The following MCF2L variants were observed in gnomAD, a reference collection of about 807,000 sequenced individuals.
The protein encoded by MCF2L is MCF.2 cell line derived transforming sequence like.
A neutral mutation model predicts 153.4 loss-of-function variants in MCF2L; 97 were observed. The observed-to-expected ratio is 0.63, with a 90% CI of 0.54 to 0.75. MCF2L has a LOEUF of 0.75. Ranked by LOEUF, MCF2L falls within the 30% of genes least tolerant of loss-of-function variation. The pLI is 0.00. For synonymous variants in MCF2L, 659 were observed against 632.2 expected, an observed-to-expected ratio of 1.04 and a Z score of -0.64; for missense variants, 1,347 against 1,495.2, an observed-to-expected ratio of 0.90 and a Z score of 1.64.
At position 112,907,755 on chromosome 13, in the gene MCF2L, T is replaced by C. The variant is rs2140511933; in HGVS notation, c.169+5384T>C. Among the ~76,000 whole-genome samples, 1 of 152,248 alleles carries C rather than the reference T, an allele frequency of 6.6e-6. No homozygotes were observed. Among genetic ancestry groups the C allele is most frequent in the East Asian group, 1.9e-4 (1 of 5,190 alleles). On this transcript the variant is annotated intron_variant, in intron 2 of 29. Coordinates refer to the MCF2L transcript ENST00000375608. The surrounding 1 kb of genome is among the most constrained non-coding windows in gnomAD (Gnocchi z 5.1). ...GATTTTCTTGGGAGATTCATTGCTTTCTCCTTGCATGCCATTTAGTGTTGC... is the reference window on the plus strand; with the variant it reads ...GATTTTCTTGGGAGATTCATTGCTTCCTCCTTGCATGCCATTTAGTGTTGC...
chr13:112,993,309 C>T lies in MCF2L; in HGVS notation c.80-21454C>T, dbSNP rs2082968377. 6.6e-6 allele frequency among the ~76,000 whole-genome samples: 1 copy of T among 152,160 alleles called. No homozygotes were observed. Among genetic ancestry groups the T allele is most frequent in the Admixed American group, 6.5e-5 (1 of 15,286 alleles). On this transcript the variant is annotated intron_variant, in intron 1 of 29. Coordinates refer to ENST00000535094, the MANE Select transcript of MCF2L (RefSeq NM_001112732.3). This position sits in a 1 kb window ranked among gnomAD's most constrained non-coding sequence, Gnocchi z 4.6. ...CATGGTGGGTGTTCCTGGGCAGAGGCTTGGTGGGCAGTAGGGGCCGACCTG... is the reference window on the plus strand; with the variant it reads ...CATGGTGGGTGTTCCTGGGCAGAGGTTTGGTGGGCAGTAGGGGCCGACCTG...
intron 2 of MCF2L, chr13:112,917,323 G>T (rs2081304361): frequency 5.4e-6 from 2 of 372,806 alleles, no homozygotes; most frequent in African/African-American, 2.1e-5. Context: ...AGTTCCTTTG[G>T]CCAGAAACCC....
At chr13:113,059,588 A>G (rs1477090294) in intron 4 of MCF2L, among the ~76,000 whole-genome samples, 1 of 152,200 alleles carries the variant, frequency 6.6e-6, no homozygotes, top group Admixed American at 6.5e-5. Context: ...GTCGAGAGCA[A>G]CCATCACTGC....
chr13:113,081,326 G>A, intron 16 of MCF2L, 47 bp downstream of exon 16: 1 of 1,532,810 alleles, frequency 6.5e-7, no homozygotes, highest in Non-Finnish European at 8.8e-7. Flanking sequence ...GACTCCCCTG[G>A]GCCAGCTGGT....
chr13:113,038,758 G>A (rs767702118), intron 3 of MCF2L, among the ~76,000 whole-genome samples: 1 of 152,202 alleles, frequency 6.6e-6, no homozygotes, highest in East Asian at 1.9e-4. Flanking sequence ...CATTATTAAA[G>A]TGACAGTGAT....
chr13:112,923,358 G>A (rs888981920), intron 2 of MCF2L, among the ~76,000 whole-genome samples: 4 of 148,748 alleles, frequency 2.7e-5, no homozygotes, highest in Non-Finnish European at 4.4e-5. Context: ...CCGCCTCCTG[G>A]GTTGACGCCA....
At chr13:113,004,865 G>A (rs1044503784) in intron 1 of MCF2L, among the ~76,000 whole-genome samples, 1 of 152,246 alleles carries the variant, frequency 6.6e-6, no homozygotes, top group African/African-American at 2.4e-5. Flanking sequence ...ACAAGTTTGC[G>A]GAGGCATGGC....
At chr13:112,927,753 A>C (rs1206470670) in intron 2 of MCF2L, among the ~76,000 whole-genome samples, 1 of 152,206 alleles carries the variant, frequency 6.6e-6, no homozygotes, top group African/African-American at 2.4e-5. Context: ...TACCGGGGAC[A>C]GAGGCACATG....
At chr13:112,968,153 G>T (rs1391184703), upstream of MCF2L, among the ~76,000 whole-genome samples, 1 of 132,784 alleles carries the variant, frequency 7.5e-6, no homozygotes, top group Admixed American at 7.4e-5. Flanking sequence ...GGGGGGGGGG[G>T]TCTTGCTACA....
intron 2 of MCF2L, among the ~76,000 whole-genome samples, chr13:112,920,042 C>T (rs2081336835): frequency 6.6e-6 from 1 of 152,172 alleles, no homozygotes; most frequent in African/African-American, 2.4e-5. Flanking sequence ...TTTCCTTTAT[C>T]TCAAGCTGTG....
rs944405753 is a variant in MCF2L, at chr13:113,064,859, G to A, written c.607-77G>A. ...ATGGGTCTGTGTGGGAACGGTTTCCGCCGGTGTCTGCTTTCAGGGCAGCAG... is the reference window on the plus strand; with the variant it reads ...ATGGGTCTGTGTGGGAACGGTTTCCACCGGTGTCTGCTTTCAGGGCAGCAG... On this transcript the variant is annotated intron_variant, in intron 6 of 29. Transcript: ENST00000535094. The surrounding 1 kb of genome is among the most constrained non-coding windows in gnomAD (Gnocchi z 6.0). 3.5e-5 allele frequency: 53 copies of A among 1,522,940 alleles called. No homozygotes were observed. The African/African-American group carries it at 3.8e-4, about 11-fold the overall frequency. 94.3% of individuals were successfully genotyped at this position (1,522,940 alleles called of 1,614,324 possible). A position where few individuals can be genotyped will look rare whatever the true frequency, so the allele number is the denominator to read the frequency against.
rs992225330 is a variant in MCF2L, at chr13:112,960,516, C to T, written c.170-54247C>T. Among the ~76,000 whole-genome samples the T allele has an allele frequency of 6.6e-6, 1 of 152,048 alleles. No individual in the cohort carries two copies. Among genetic ancestry groups the T allele is most frequent in the African/African-American group, 2.4e-5 (1 of 41,382 alleles). ...GTGGGTGTGATGGATGCTGGAGTTT[C>T]TCTCCAAGGGGGCGGGATAGGCTGT... On this transcript the variant is annotated intron_variant, in intron 2 of 29. Coordinates refer to the MCF2L transcript ENST00000375608. The surrounding 1 kb of genome is among the most constrained non-coding windows in gnomAD (Gnocchi z 4.2).
At position 112,969,326 on chromosome 13, in the gene MCF2L, G is replaced by T; in HGVS notation, c.-54G>T. On this transcript the variant is annotated 5_prime_UTR_variant, in exon 1 of 30. Transcript: ENST00000535094. The surrounding 1 kb of genome is among the most constrained non-coding windows in gnomAD (Gnocchi z 4.8). ...CACTCGCACGGCCCCACCCGCAGGC[G>T]CCCCCCGTGCGGAGGAAGCGGATCT... 6.5e-7 allele frequency: 1 copy of T among 1,544,916 alleles called. No homozygotes were observed. Among genetic ancestry groups the T allele is most frequent in the Non-Finnish European group, 8.7e-7 (1 of 1,143,358 alleles).
At position 113,074,677 on chromosome 13, in the gene MCF2L, C is replaced by T. The variant is rs1488127650; in HGVS notation, c.1116+114C>T. The T allele has an allele frequency of 8.2e-6, 12 of 1,461,366 alleles. No individual in the cohort carries two copies. Among genetic ancestry groups the T allele is most frequent in the African/African-American group, 4.2e-5 (3 of 72,032 alleles). The allele number at this position is 1,461,366 out of a possible 1,614,324, so 90.5% of individuals were successfully genotyped here. A position where few individuals can be genotyped will look rare whatever the true frequency, so the allele number is the denominator to read the frequency against. On this transcript the variant is annotated intron_variant, in intron 10 of 29. Coordinates refer to ENST00000535094, the MANE Select transcript of MCF2L (RefSeq NM_001112732.3). This position sits in a 1 kb window ranked among gnomAD's most constrained non-coding sequence, Gnocchi z 4.2. ...CTACGGAGAACGGACCCCACAGCCC[C>T]CCGGGGATGTCCATGGGGTGGGGGG...
chr13:112,948,411 A>G (rs1319833040), intron 2 of MCF2L, among the ~76,000 whole-genome samples: 1 of 152,216 alleles, frequency 6.6e-6, no homozygotes, highest in Non-Finnish European at 1.5e-5. Flanking sequence ...GCAGTTAAGG[A>G]AAACTATTCT....
At chr13:113,083,189 A>G (rs497845) in intron 17 of MCF2L, among the ~76,000 whole-genome samples, 141,599 of 152,218 alleles carry the variant, frequency 0.93, 66,209 homozygotes, top group East Asian at 1. Context: ...TGCAGTGGAC[A>G]GCCCCCGCTG....
At chr13:113,003,460 G>C (rs986195395) in intron 1 of MCF2L, among the ~76,000 whole-genome samples, 3 of 151,984 alleles carry the variant, frequency 2.0e-5, no homozygotes, top group Non-Finnish European at 4.4e-5. Context: ...TGGGTTTTGG[G>C]GTTGGCTGTG....
intron 2 of MCF2L, among the ~76,000 whole-genome samples, chr13:112,958,753 C>T (rs1337421189): frequency 6.6e-6 from 1 of 152,230 alleles, no homozygotes; most frequent in African/African-American, 2.4e-5. Context: ...GGAATGCCCC[C>T]AGCCCTGCTC....
chr13:112,999,309 C>A (rs2083265598), intron 1 of MCF2L, among the ~76,000 whole-genome samples: 1 of 152,106 alleles, frequency 6.6e-6, no homozygotes, highest in Non-Finnish European at 1.5e-5. Flanking sequence ...ACATCGGGGG[C>A]CAGGAGAGAC....
Sources: allele counts gnomAD v4.1 joint callset (sites outside exome capture counted in the v4.1 genomes callset), GRCh38; gene constraint gnomAD v4.1.1; non-coding constraint Gnocchi (gnomAD v3.1); transcripts MANE v1.5; gene names NCBI Gene and HGNC (gene_info 2026-07-23, HGNC 2026-07-21).